Variants in DENND1A observed in about 807,000 individuals in gnomAD.
The protein encoded by DENND1A is DENN domain containing 1A, also known as DENN domain-containing protein 1A.
DENND1A carries 51 observed loss-of-function variants against 113.7 expected under a neutral mutation model. The observed-to-expected ratio is 0.45, with a 90% CI of 0.36 to 0.57. The LOEUF is 0.57. Among genes scored for constraint, DENND1A ranks in the 20% least tolerant of loss-of-function variants. The pLI, the probability that DENND1A is intolerant of heterozygous loss-of-function variation, is 0.00. For synonymous variants in DENND1A, 565 were observed against 570.8 expected, an observed-to-expected ratio of 0.99 and a Z score of 0.14; for missense variants, 1,258 against 1,395.9, an observed-to-expected ratio of 0.90 and a Z score of 1.57.
intron 1 of DENND1A, among the ~76,000 whole-genome samples, chr9:123,887,616 TGAG>T (rs1849280932): frequency 6.8e-6 from 1 of 147,072 alleles, no homozygotes; most frequent in African/African-American, 2.5e-5. Flanking sequence ...CAAGCAGGCA[TGAG>T]GAGATCGTCC....
At chr9:123,529,384 A>G (rs1241222799) in intron 13 of DENND1A, among the ~76,000 whole-genome samples, 2 of 152,252 alleles carry the variant, frequency 1.3e-5, no homozygotes, top group Non-Finnish European at 1.5e-5. Flanking sequence ...CAAATGTTGA[A>G]TAACAACAAT....
chr9:123,383,941 T>C (rs1174356937), intron 22 of DENND1A, 28 bp from the exon 23 acceptor site: 2 of 1,590,338 alleles, frequency 1.3e-6, no homozygotes, highest in Admixed American at 1.7e-5. Context: ...GGCTGCACTC[T>C]CCCACCCAGG....
chr9:123,830,399 G>A (rs1839995515), intron 2 of DENND1A, among the ~76,000 whole-genome samples: 1 of 151,890 alleles, frequency 6.6e-6, no homozygotes, highest in Non-Finnish European at 1.5e-5. Flanking sequence ...GCTACATCTT[G>A]ACTGAGGTGT....
chr9:123,785,140 G>A (rs1298612197), intron 3 of DENND1A, among the ~76,000 whole-genome samples: 1 of 151,888 alleles, frequency 6.6e-6, no homozygotes, highest in African/African-American at 2.4e-5. Context: ...AGGAGTTGAA[G>A]GTCATCCTGG....
At chr9:123,418,706 G>GCAGCCGCTGCACACTCAC (rs1358067647) in intron 19 of DENND1A, among the ~76,000 whole-genome samples, 5 of 152,340 alleles carry the variant, frequency 3.3e-5, no homozygotes, top group Admixed American at 2.6e-4. Flanking sequence ...CAGGGCCTAA[G>GCAGCCGCTGCACACTCAC]CAGCCGCTGC....
chr9:123,610,235 T>C (rs1310336557), intron 10 of DENND1A, among the ~76,000 whole-genome samples: 2 of 152,220 alleles, frequency 1.3e-5, no homozygotes, highest in Non-Finnish European at 2.9e-5. Flanking sequence ...TGTGTATGTG[T>C]GTGTGTGTAT....
intron 2 of DENND1A, among the ~76,000 whole-genome samples, chr9:123,862,913 C>A (rs1211202374): frequency 2.0e-5 from 3 of 152,208 alleles, no homozygotes; most frequent in Non-Finnish European, 4.4e-5. Context: ...ACATTAAGAT[C>A]TTGCTTTCTC....
rs546001517 is a variant in DENND1A, at chr9:123,516,884, C to CAAAAA, written c.993+40681_993+40685dup. On this transcript the variant is annotated intron_variant, in intron 13 of 23. Coordinates refer to ENST00000394215, the MANE Select transcript of DENND1A (RefSeq NM_001352964.2). The stretch of plus-strand genomic sequence containing the variant: ...CTGGTGACAGAGTGAGACTCTGTCT[C>CAAAAA]AAAAAAAAAAAAAAAAAAAAAAAAA... Among the ~76,000 whole-genome samples, 96 of 93,338 alleles carry CAAAAA rather than the reference C, an allele frequency of 1.0e-3. 6 individuals carry two copies. The highest frequency in any genetic ancestry group is 2.5e-3 in the African/African-American group (41 of 16,186). The allele number at this position is 93,338 out of a possible 152,430, so 61.2% of individuals were successfully genotyped here.
chr9:123,889,427 T>C (rs192781126), intron 1 of DENND1A, among the ~76,000 whole-genome samples: 6 of 152,292 alleles, frequency 3.9e-5, no homozygotes, highest in Middle Eastern at 3.4e-3. Context: ...AATAATAGGC[T>C]TTATAAGTAA....
chr9:123,907,351 C>G (rs1853050862), intron 1 of DENND1A, among the ~76,000 whole-genome samples: 1 of 151,610 alleles, frequency 6.6e-6, no homozygotes. Flanking sequence ...GTTGGAAGTT[C>G]TGGCCAGGGC....
chr9:123,908,584 G>A (rs879792847), intron 1 of DENND1A, among the ~76,000 whole-genome samples: 4,464 of 147,154 alleles, frequency 0.03, 58 homozygotes, highest in Middle Eastern at 0.038. Context: ...GCAGCCAAAA[G>A]ACACATGAAA....
chr9:123,694,785 C>T (rs986771142), intron 5 of DENND1A, among the ~76,000 whole-genome samples: 1 of 152,196 alleles, frequency 6.6e-6, no homozygotes, highest in African/African-American at 2.4e-5. Flanking sequence ...GTCTACTGCA[C>T]ACTTTGGTAT....
intron 2 of DENND1A, among the ~76,000 whole-genome samples, chr9:123,874,311 C>A (rs966194720): frequency 6.7e-6 from 1 of 149,786 alleles, no homozygotes; most frequent in Non-Finnish European, 1.5e-5. Context: ...GTCAAAGATA[C>A]AAAGACAAAC....
intron 15 of DENND1A, among the ~76,000 whole-genome samples, chr9:123,455,550 C>T (rs1001568445): frequency 4.6e-5 from 7 of 152,208 alleles, no homozygotes; most frequent in African/African-American, 1.7e-4. Flanking sequence ...GCTTCTCCTT[C>T]CTCTGAACAG....
chr9:123,575,015 A>G (rs115448963), intron 12 of DENND1A, among the ~76,000 whole-genome samples: 114 of 152,274 alleles, frequency 7.5e-4, no homozygotes, highest in African/African-American at 2.6e-3. Context: ...GGTTTAGAAC[A>G]GTTTGTCTTT....
intron 3 of DENND1A, among the ~76,000 whole-genome samples, chr9:123,776,679 T>C (rs1830520806): frequency 6.6e-6 from 1 of 152,178 alleles, no homozygotes; most frequent in Non-Finnish European, 1.5e-5. Flanking sequence ...GACTCTGTTG[T>C]CAAGACAAGC....
chr9:123,680,186 C>CAGCCTG (rs1482781311), intron 5 of DENND1A, among the ~76,000 whole-genome samples: 1 of 152,226 alleles, frequency 6.6e-6, no homozygotes, highest in African/African-American at 2.4e-5. Flanking sequence ...CGAAAAGGAA[C>CAGCCTG]AGCCTGCTCC....
At chr9:123,792,534 A>C (rs949292374) in intron 3 of DENND1A, 53 bp downstream of exon 3, 11 of 1,576,690 alleles carry the variant, frequency 7.0e-6, no homozygotes, top group Non-Finnish European at 9.6e-6. Flanking sequence ...TAATATGTTG[A>C]ACAACTCTGA....
chr9:123,648,078 T>A (rs1294829606), intron 9 of DENND1A, among the ~76,000 whole-genome samples: 2 of 152,000 alleles, frequency 1.3e-5, no homozygotes, highest in Non-Finnish European at 2.9e-5. Flanking sequence ...GTTTCACTGC[T>A]GGTTTTGTTT....
Sources: gnomAD v4.1 joint callset for allele counts (sites outside exome capture counted in the v4.1 genomes callset) on GRCh38, gnomAD v4.1.1 for gene constraint, MANE v1.5 for transcripts, NCBI Gene and HGNC (gene_info 2026-07-23, HGNC 2026-07-21) for gene names.